SPACA7: variants seen among roughly 807,000 people sequenced by gnomAD.
SPACA7 encodes sperm acrosome-associated protein 7.
In SPACA7, 19 loss-of-function variants were observed where a neutral mutation model predicts 26.3. The observed-to-expected ratio is 0.72, with a 90% confidence interval of 0.50 to 1.06. SPACA7 has a LOEUF of 1.06. SPACA7 is among the 50% of genes least tolerant of loss of function. The pLI is 0.00. For missense variants in SPACA7, 211 were observed against 229.9 expected, an observed-to-expected ratio of 0.92 and a Z score of 0.53; for synonymous variants, 84 against 84.5, an observed-to-expected ratio of 0.99 and a Z score of 0.04.
chr13:112,416,346 G>A (rs1375415250), intron 5 of SPACA7, among the ~76,000 whole-genome samples: 2 of 152,076 alleles, frequency 1.3e-5, no homozygotes, highest in South Asian at 2.1e-4. Context: ...GAGTGCAGTG[G>A]CATGATCTCA....
chr13:112,399,369 T>C (rs574536883), intron 4 of SPACA7, among the ~76,000 whole-genome samples, 196 bp downstream of exon 4: 7 of 152,372 alleles, frequency 4.6e-5, no homozygotes, highest in Admixed American at 3.9e-4. Context: ...CACCCCCTGC[T>C]GTGGGGCCGA....
At chr13:112,430,595 G>A (rs1416810074) in intron 5 of SPACA7, among the ~76,000 whole-genome samples, 3 of 152,192 alleles carry the variant, frequency 2.0e-5, no homozygotes, top group Non-Finnish European at 2.9e-5. Context: ...GGAAGGAAAA[G>A]CAAGGACTGG....
intron 1 of SPACA7, chr13:112,382,184 G>C: frequency 2.3e-6 from 1 of 437,208 alleles, no homozygotes; most frequent in South Asian, 3.6e-5. Context: ...CACTGTCTCA[G>C]TCATAATCTT....
At chr13:112,415,475 G>T (rs1190121660) in intron 5 of SPACA7, among the ~76,000 whole-genome samples, 1 of 152,148 alleles carries the variant, frequency 6.6e-6, no homozygotes, top group East Asian at 1.9e-4. Flanking sequence ...AATGTTGTCT[G>T]GAAGTAATAG....
At chr13:112,396,304 G>C (rs1885249256) in intron 2 of SPACA7, among the ~76,000 whole-genome samples, 1 of 152,110 alleles carries the variant, frequency 6.6e-6, no homozygotes, top group Non-Finnish European at 1.5e-5. Context: ...ACCGAAGCCA[G>C]AGTTGGCCAG....
chr13:112,397,477 A>G (rs1042681819), intron 2 of SPACA7, among the ~76,000 whole-genome samples: 2 of 152,118 alleles, frequency 1.3e-5, no homozygotes, highest in Admixed American at 1.3e-4. Flanking sequence ...ACACACCCCC[A>G]TTTTACAGAC....
chr13:112,401,777 G>A (rs565022502), intron 5 of SPACA7, among the ~76,000 whole-genome samples: 48 of 152,282 alleles, frequency 3.2e-4, no homozygotes, highest in African/African-American at 1.1e-3. Flanking sequence ...CATGGTGTGA[G>A]GTGTTCCTAA....
chr13:112,427,244 G>A (rs918362037), intron 5 of SPACA7, among the ~76,000 whole-genome samples: 5 of 152,230 alleles, frequency 3.3e-5, no homozygotes, highest in Non-Finnish European at 1.5e-5. Context: ...AACGTGAACA[G>A]TGTATGAAAG....
At position 112,417,291 on chromosome 13, in the gene SPACA7, GTAT is replaced by G. The variant is rs536087196; in HGVS notation, c.446-15149_446-15147del. Among the ~76,000 whole-genome samples, 25 of 151,952 alleles carry G rather than the reference GTAT, an allele frequency of 1.6e-4. 1 individual carries two copies. In the East Asian group the frequency reaches 4.8e-3, roughly 29 times the overall value. The stretch of plus-strand genomic sequence containing the variant: ...GATGTTATTTCTTCTTTGCCTGCCT[GTAT>G]TATATTTTCTTATTATTTCCTCATT... On this transcript the variant is annotated intron_variant, in intron 5 of 6. Transcript: ENST00000283550.
intron 1 of SPACA7, among the ~76,000 whole-genome samples, chr13:112,391,860 G>A (rs532864390): frequency 3.3e-5 from 5 of 152,252 alleles, no homozygotes; most frequent in South Asian, 2.1e-4. Context: ...TGTTTGTTTC[G>A]TTTACCGAAG....
intron 5 of SPACA7, among the ~76,000 whole-genome samples, chr13:112,428,423 T>A (rs2139073442): frequency 6.6e-6 from 1 of 152,086 alleles, no homozygotes; most frequent in East Asian, 1.9e-4. Context: ...CTTCTAAAAA[T>A]ACAAAAATTA....
intron 1 of SPACA7, among the ~76,000 whole-genome samples, chr13:112,388,061 A>C (rs1344215055): frequency 1.3e-5 from 2 of 152,160 alleles, no homozygotes; most frequent in African/African-American, 2.4e-5. Flanking sequence ...TGACCAGACA[A>C]ATAAGGAGGG....
chr13:112,421,094 A>G (rs1179161611), intron 5 of SPACA7, among the ~76,000 whole-genome samples: 3 of 152,138 alleles, frequency 2.0e-5, no homozygotes, highest in African/African-American at 7.2e-5. Flanking sequence ...CAAAATGTGG[A>G]TTGTACAAAG....
intron 1 of SPACA7, among the ~76,000 whole-genome samples, chr13:112,384,692 C>A (rs1239307453): frequency 6.6e-6 from 1 of 152,054 alleles, no homozygotes; most frequent in African/African-American, 2.4e-5. Context: ...AAAGAAAAAC[C>A]TTTACTCTGA....
At chr13:112,419,934 CT>C (rs1389440342) in intron 5 of SPACA7, among the ~76,000 whole-genome samples, 1 of 152,194 alleles carries the variant, frequency 6.6e-6, no homozygotes, top group African/African-American at 2.4e-5. Context: ...AATAGAAACA[CT>C]ACGAAAGTCT....
chr13:112,412,788 A>T (rs894242563), intron 5 of SPACA7, among the ~76,000 whole-genome samples: 1 of 152,090 alleles, frequency 6.6e-6, no homozygotes, highest in Non-Finnish European at 1.5e-5. Context: ...TTATTTCTAG[A>T]TTCCCTATTC....
intron 5 of SPACA7, among the ~76,000 whole-genome samples, chr13:112,423,155 A>C (rs1156491346): frequency 6.6e-6 from 1 of 152,158 alleles, no homozygotes; most frequent in Admixed American, 6.5e-5. Context: ...TAAAAGTGAG[A>C]TATTTCATGG....
Position 112,399,125 on chromosome 13 carries a change from G to A in SPACA7, c.301G>A (p.Glu101Lys), listed in dbSNP as rs776196489. ...TTCTGAGAATTACCATGAATTATTA[G>A]AGAATTTACAATTCTCTCCTGGCAT... ...GGSENYHELL[E>K]NLQFSPGIEV... The change falls in exon 4 of 7, where the codon GAG becomes AAG. Residue 101 changes from glutamate (E) to lysine (K), a missense_variant. Transcript: ENST00000283550. 2 of 1,610,968 alleles carry A rather than the reference G, an allele frequency of 1.2e-6. No individual in the cohort carries two copies. The highest frequency in any genetic ancestry group is 1.7e-6 in the Non-Finnish European group (2 of 1,177,382).
intron 5 of SPACA7, among the ~76,000 whole-genome samples, chr13:112,405,872 C>T (rs933899780): frequency 3.9e-5 from 6 of 152,186 alleles, no homozygotes; most frequent in Middle Eastern, 3.4e-3. Flanking sequence ...ATTATATCTT[C>T]GTTGTGAATT....
Sources: gnomAD v4.1 joint callset for allele counts (sites outside exome capture counted in the v4.1 genomes callset) on GRCh38, gnomAD v4.1.1 for gene constraint, MANE v1.5 for transcripts, NCBI Gene and HGNC (gene_info 2026-07-23, HGNC 2026-07-21) for gene names.